Variants in GRID2 observed in about 807,000 individuals in gnomAD.
GRID2 encodes the protein glutamate receptor ionotropic, delta-2.
GRID2 carries 33 observed loss-of-function variants against 114.8 expected under a neutral mutation model. The observed-to-expected ratio is 0.29, with a 90% CI of 0.22 to 0.38. GRID2 has a LOEUF of 0.38. Among genes scored for constraint, GRID2 ranks in the 10% least tolerant of loss-of-function variants. The pLI, the probability that GRID2 is intolerant of heterozygous loss-of-function variation, is 1.00. For synonymous variants in GRID2, 505 were observed against 449.9 expected (o/e 1.12, Z -1.55); for missense variants, 1,184 against 1,257.7 (o/e 0.94, Z 0.89).
chr4:92,308,350 A>G (rs1454705444), intron 1 of GRID2, among the ~76,000 whole-genome samples: 1 of 152,200 alleles, frequency 6.6e-6, no homozygotes, highest in Admixed American at 6.5e-5. Flanking sequence ...CTACAAGGGA[A>G]CACTCAAACA....
chr4:93,023,113 G>A (rs905970426), intron 2 of GRID2, among the ~76,000 whole-genome samples: 1 of 150,924 alleles, frequency 6.6e-6, no homozygotes, highest in Non-Finnish European at 1.5e-5. Flanking sequence ...GTGTGTGTGT[G>A]TGTGTGTGTG....
At chr4:92,792,466 C>T (rs1739638809) in intron 2 of GRID2, among the ~76,000 whole-genome samples, 1 of 143,072 alleles carries the variant, frequency 7.0e-6, no homozygotes, top group Non-Finnish European at 1.5e-5. Context: ...AACACACACA[C>T]ACACACACAC....
chr4:93,004,376 A>G (rs1295770397), intron 2 of GRID2, among the ~76,000 whole-genome samples: 4 of 151,926 alleles, frequency 2.6e-5, no homozygotes, highest in African/African-American at 9.7e-5. Context: ...TCCTTTTCCC[A>G]TCACCAGCAC....
At chr4:92,441,991 A>G (rs1017521612) in intron 1 of GRID2, among the ~76,000 whole-genome samples, 20 of 151,704 alleles carry the variant, frequency 1.3e-4, no homozygotes, top group African/African-American at 4.6e-4. Flanking sequence ...TTAAAAGAGT[A>G]TTGTCTAAGT....
intron 13 of GRID2, among the ~76,000 whole-genome samples, chr4:93,546,843 T>G (rs1348740679): frequency 6.6e-5 from 10 of 152,306 alleles, no homozygotes; most frequent in African/African-American, 2.4e-4. Flanking sequence ...ATATACTTGG[T>G]GAACCATCTT....
chr4:93,590,963 G>A (rs375617794), intron 13 of GRID2, among the ~76,000 whole-genome samples: 93 of 151,338 alleles, frequency 6.1e-4, no homozygotes, highest in South Asian at 4.4e-3. Context: ...GGGCTGAGAC[G>A]ATGGGGTTTT....
At chr4:93,162,456 C>T (rs528115190) in intron 4 of GRID2, among the ~76,000 whole-genome samples, 3 of 151,752 alleles carry the variant, frequency 2.0e-5, no homozygotes, top group Admixed American at 2.0e-4. Context: ...CCTGTGTTAG[C>T]GAGGAATAAA....
intron 14 of GRID2, among the ~76,000 whole-genome samples, chr4:93,683,154 G>T (rs145463266): frequency 6.6e-6 from 1 of 151,898 alleles, no homozygotes; most frequent in East Asian, 1.9e-4. Flanking sequence ...CATCAGCATA[G>T]CCTCTCTCCC....
intron 2 of GRID2, among the ~76,000 whole-genome samples, chr4:92,726,423 CT>C (rs1386399848): frequency 6.6e-6 from 1 of 151,998 alleles, no homozygotes; most frequent in Non-Finnish European, 1.5e-5. Flanking sequence ...TATATATAGT[CT>C]TTTGTTAACT....
chr4:92,526,118 G>A (rs995657297), intron 1 of GRID2, among the ~76,000 whole-genome samples: 16 of 151,842 alleles, frequency 1.1e-4, no homozygotes, highest in Admixed American at 6.6e-4. Context: ...CTCTAAAAAG[G>A]AAGAAGGGAA....
chr4:93,226,400 A>C (rs1323271084), intron 7 of GRID2, among the ~76,000 whole-genome samples: 1 of 152,232 alleles, frequency 6.6e-6, no homozygotes, highest in African/African-American at 2.4e-5. Flanking sequence ...ACAGAGAAAT[A>C]GGCAAGAAAA....
intron 14 of GRID2, among the ~76,000 whole-genome samples, chr4:93,661,153 C>G (rs772659155): frequency 1.3e-5 from 2 of 152,178 alleles, no homozygotes; most frequent in Non-Finnish European, 2.9e-5. Context: ...GATTCTGCAT[C>G]TGAGAATTGG....
At chr4:93,512,468 G>C (rs952964734) in intron 12 of GRID2, among the ~76,000 whole-genome samples, 1 of 152,062 alleles carries the variant, frequency 6.6e-6, no homozygotes, top group African/African-American at 2.4e-5. Flanking sequence ...TAAGCTATTT[G>C]TGTTCACTTC....
At chr4:93,195,002 C>A (rs1007077292) in intron 4 of GRID2, among the ~76,000 whole-genome samples, 1 of 152,110 alleles carries the variant, frequency 6.6e-6, no homozygotes. Flanking sequence ...GGGTATATTA[C>A]AAGAAGACAA....
intron 14 of GRID2, among the ~76,000 whole-genome samples, chr4:93,651,595 C>T (rs1722587228): frequency 1.3e-5 from 2 of 152,094 alleles, no homozygotes; most frequent in African/African-American, 2.4e-5. Context: ...GATGCAGTCA[C>T]ACTACGAGTC....
chr4:93,361,426 T>G (rs1161330403), intron 8 of GRID2, among the ~76,000 whole-genome samples: 1 of 151,740 alleles, frequency 6.6e-6, no homozygotes, highest in Non-Finnish European at 1.5e-5. Flanking sequence ...GTATGAAGTC[T>G]ACAAATGAGC....
At position 93,204,750 on chromosome 4, in the gene GRID2, A is replaced by G. The variant is rs78348712; in HGVS notation, c.736-2654A>G. Among the ~76,000 whole-genome samples the G allele has an allele frequency of 9.0e-3, 1,366 of 152,292 alleles. 21 individuals carry two copies. Among genetic ancestry groups the G allele is most frequent in the African/African-American group, 0.031 (1,298 of 41,554 alleles). On this transcript the variant is annotated intron_variant, in intron 4 of 15. Coordinates refer to ENST00000282020, the MANE Select transcript of GRID2 (RefSeq NM_001510.4). ...AACTCTTACCTTCTACTTAGTCCAT[A>G]AATGCTGTTGCACAAAACAACTTCT... is the stretch of plus-strand genomic sequence containing the variant.
chr4:92,921,775 G>C (rs772860286), intron 2 of GRID2, among the ~76,000 whole-genome samples: 4 of 152,222 alleles, frequency 2.6e-5, no homozygotes, highest in Non-Finnish European at 4.4e-5. Flanking sequence ...ATGCCACCCA[G>C]TTAGGCTACT....
Position 92,713,570 on chromosome 4 carries a change from A to T in GRID2, c.244+123284A>T, listed in dbSNP as rs541735294. On this transcript the variant is annotated intron_variant, in intron 2 of 15. Coordinates refer to ENST00000282020, the MANE Select transcript of GRID2 (RefSeq NM_001510.4). ...TTTCATGCTGGATTAGTCTGTTTTC[A>T]TGCTGCTGATAAAGACATACTTGAC... Among the ~76,000 whole-genome samples, 10 of 140,682 alleles carry T rather than the reference A, an allele frequency of 7.1e-5. No individual in the cohort carries two copies. The East Asian group carries it at 2.2e-3, about 30-fold the overall frequency. The allele number at this position is 140,682 out of a possible 152,430, so 92.3% of individuals were successfully genotyped here. A position where few individuals can be genotyped will look rare whatever the true frequency, so the allele number is the denominator to read the frequency against.
Sources: gnomAD v4.1 joint callset for allele counts (sites outside exome capture counted in the v4.1 genomes callset) on GRCh38, gnomAD v4.1.1 for gene constraint, MANE v1.5 for transcripts, NCBI Gene and HGNC (gene_info 2026-07-23, HGNC 2026-07-21) for gene names.